Variants in PALM2AKAP2 observed in about 807,000 individuals in gnomAD.
PALM2AKAP2 encodes PALM2 and AKAP2 fusion.
PALM2AKAP2 carries 37 observed loss-of-function variants against 71.5 expected under a neutral mutation model. The observed-to-expected ratio is 0.52, with a 90% CI of 0.40 to 0.68. The LOEUF is 0.68. Ranked by LOEUF, PALM2AKAP2 falls within the 30% of genes least tolerant of loss-of-function variation. The probability of loss-of-function intolerance (pLI) is 0.00; values close to 1 mark genes in which losing one functional copy is unlikely to be tolerated. For synonymous variants in PALM2AKAP2, 468 were observed against 478.8 expected (o/e 0.98, Z 0.29); for missense variants, 1,224 against 1,191.8 (o/e 1.03, Z -0.40).
intron 3 of PALM2AKAP2, among the ~76,000 whole-genome samples, chr9:109,901,337 G>A (rs928125935): frequency 6.6e-6 from 1 of 152,214 alleles, no homozygotes; most frequent in African/African-American, 2.4e-5. Flanking sequence ...AGCTCCACGT[G>A]GAGGTTGTCA....
intron 3 of PALM2AKAP2, among the ~76,000 whole-genome samples, chr9:109,888,880 C>G (rs1234952549): frequency 6.6e-6 from 1 of 152,176 alleles, no homozygotes; most frequent in African/African-American, 2.4e-5. Flanking sequence ...TCCCTGGCCT[C>G]TACCTAGTGG....
intron 1 of PALM2AKAP2, among the ~76,000 whole-genome samples, chr9:109,718,363 G>C (rs895530460): frequency 6.6e-6 from 1 of 151,946 alleles, no homozygotes; most frequent in East Asian, 1.9e-4. Flanking sequence ...TACCATGCCC[G>C]GCCCCAGTTA....
intron 1 of PALM2AKAP2, among the ~76,000 whole-genome samples, chr9:109,663,224 C>T (rs560091567): frequency 6.6e-6 from 1 of 152,260 alleles, no homozygotes; most frequent in Admixed American, 6.5e-5. Flanking sequence ...TTCTTGCCTT[C>T]TGCTAGCTTT....
At chr9:109,767,749 C>CT (rs763545661) in intron 1 of PALM2AKAP2, among the ~76,000 whole-genome samples, 2 of 152,168 alleles carry the variant, frequency 1.3e-5, no homozygotes, top group Non-Finnish European at 2.9e-5. Flanking sequence ...ACTCTCTCCC[C>CT]TTAGTGTTGG....
intron 1 of PALM2AKAP2, among the ~76,000 whole-genome samples, chr9:109,696,549 A>T (rs374094561): frequency 6.6e-6 from 1 of 152,204 alleles, no homozygotes; most frequent in African/African-American, 2.4e-5. Flanking sequence ...TAAAGTTTAT[A>T]GCTTTTGACC....
rs774453968 is a variant in PALM2AKAP2 at position 110,137,810 on chromosome 9, C to G, written c.1840C>G (p.Gln614Glu). Residue 614 changes from glutamine to glutamate, a missense_variant, in exon 2 of 4, where the codon CAG becomes GAG. Physicochemically the swap from Gln to Glu is conservative, Grantham distance 29 (BLOSUM62 2). Transcript: ENST00000374525. ...TTCACTGGCTGATTTTTCTCTGCCCCAGACACCACAAACTGACAACCCCTC... is the reference window on the plus strand; with the variant it reads ...TTCACTGGCTGATTTTTCTCTGCCCGAGACACCACAAACTGACAACCCCTC... 91 of 1,614,108 alleles carry G rather than the reference C, an allele frequency of 5.6e-5. 3 individuals carry two copies. In the South Asian group the frequency reaches 1.0e-3, roughly 18 times the overall value.
At chr9:109,986,804 A>T (rs1207002753) in intron 6 of PALM2AKAP2, among the ~76,000 whole-genome samples, 2 of 152,198 alleles carry the variant, frequency 1.3e-5, no homozygotes, top group Non-Finnish European at 2.9e-5. Context: ...AACTGCATTG[A>T]GGAGAAAGCT....
intron 1 of PALM2AKAP2, among the ~76,000 whole-genome samples, chr9:109,812,668 G>C (rs2131448962): frequency 6.6e-6 from 1 of 152,302 alleles, no homozygotes; most frequent in East Asian, 1.9e-4. Context: ...ACATAAATCA[G>C]GACAGTGCAA....
intron 1 of PALM2AKAP2, among the ~76,000 whole-genome samples, chr9:109,827,244 A>T (rs1828175897): frequency 6.6e-6 from 1 of 152,188 alleles, no homozygotes; most frequent in African/African-American, 2.4e-5. Flanking sequence ...ATGATCAAAG[A>T]CTTTTGAGAG....
At chr9:109,672,859 C>G (rs1457818433) in intron 1 of PALM2AKAP2, among the ~76,000 whole-genome samples, 1 of 151,652 alleles carries the variant, frequency 6.6e-6, no homozygotes, top group African/African-American at 2.4e-5. Flanking sequence ...AGGAATTTAT[C>G]CATTTCTTCT....
At chr9:109,875,715 C>T (rs1160776178) in intron 2 of PALM2AKAP2, among the ~76,000 whole-genome samples, 2 of 152,180 alleles carry the variant, frequency 1.3e-5, no homozygotes, top group African/African-American at 2.4e-5. Context: ...CTTAGAGAAT[C>T]TGCATCTCCA....
chr9:109,738,577 C>T (rs1007686400), intron 1 of PALM2AKAP2, among the ~76,000 whole-genome samples: 1 of 152,174 alleles, frequency 6.6e-6, no homozygotes, highest in Admixed American at 6.5e-5. Context: ...ATTTCACTTA[C>T]AGAATTCCTG....
At chr9:109,777,834 C>T (rs767475367), upstream of PALM2AKAP2, among the ~76,000 whole-genome samples, 2 of 152,300 alleles carry the variant, frequency 1.3e-5, no homozygotes, top group Non-Finnish European at 2.9e-5. Flanking sequence ...GTCTTCTTTG[C>T]TGGGCTCTCT....
At chr9:110,114,668 A>AATGCC (rs1367460067) in intron 1 of PALM2AKAP2, among the ~76,000 whole-genome samples, 2 of 152,192 alleles carry the variant, frequency 1.3e-5, no homozygotes, top group Non-Finnish European at 2.9e-5. Context: ...ACGTAGAACA[A>AATGCC]AGAGTCTAAA....
At chr9:110,108,810 A>G (rs1835174427) in intron 1 of PALM2AKAP2, among the ~76,000 whole-genome samples, 1 of 152,192 alleles carries the variant, frequency 6.6e-6, no homozygotes, top group African/African-American at 2.4e-5. Context: ...AATAAAAGAA[A>G]GTGTATCAAA....
At chr9:109,992,724 A>G (rs1832507841) in intron 6 of PALM2AKAP2, among the ~76,000 whole-genome samples, 1 of 152,132 alleles carries the variant, frequency 6.6e-6, no homozygotes, top group African/African-American at 2.4e-5. Context: ...TGTAAGCGCT[A>G]AAGAGAGAAT....
At chr9:109,968,448 C>T (rs1831998187) in intron 6 of PALM2AKAP2, among the ~76,000 whole-genome samples, 1 of 152,116 alleles carries the variant, frequency 6.6e-6, no homozygotes, top group South Asian at 2.1e-4. Context: ...AGAGCAGAAG[C>T]GACTAGATCT....
At chr9:109,719,362 A>T (rs1828373035) in intron 1 of PALM2AKAP2, among the ~76,000 whole-genome samples, 1 of 152,208 alleles carries the variant, frequency 6.6e-6, no homozygotes, top group East Asian at 1.9e-4. Context: ...TTCTGCTACA[A>T]ATGCTTTGTA....
At chr9:109,713,118 C>T (rs1349958542) in intron 1 of PALM2AKAP2, among the ~76,000 whole-genome samples, 1 of 152,170 alleles carries the variant, frequency 6.6e-6, no homozygotes, top group Non-Finnish European at 1.5e-5. Context: ...ATCACCTGGG[C>T]CATTGTGGAG....
Sources: allele counts gnomAD v4.1 joint callset (sites outside exome capture counted in the v4.1 genomes callset), GRCh38; gene constraint gnomAD v4.1.1; transcripts MANE v1.5; gene names NCBI Gene and HGNC (gene_info 2026-07-23, HGNC 2026-07-21).